The following PAPPA2 variants were observed in gnomAD, a reference collection of about 807,000 sequenced individuals.
The protein encoded by PAPPA2 is pappalysin 2.
PAPPA2 carries 86 observed loss-of-function variants against 176.4 expected under a neutral mutation model. The observed-to-expected ratio is 0.49, with a 90% CI of 0.41 to 0.58. The LOEUF is 0.58. Ranked by LOEUF, PAPPA2 falls within the 20% of genes least tolerant of loss-of-function variation. The pLI, the probability that PAPPA2 is intolerant of heterozygous loss-of-function variation, is 0.00. For synonymous variants in PAPPA2, 809 were observed against 852.2 expected (o/e 0.95, Z 0.88); for missense variants, 2,073 against 2,256.9 (o/e 0.92, Z 1.65).
At chr1:176,771,434 T>C (rs1209563603) in intron 17 of PAPPA2, among the ~76,000 whole-genome samples, 1 of 152,228 alleles carries the variant, frequency 6.6e-6, no homozygotes, top group African/African-American at 2.4e-5. Flanking sequence ...TCAGGTGTTA[T>C]ATGTGTTACC....
chr1:176,725,265 G>A (rs1222325431), intron 12 of PAPPA2, among the ~76,000 whole-genome samples: 1 of 152,070 alleles, frequency 6.6e-6, no homozygotes, highest in Admixed American at 6.5e-5. Context: ...TTAGCTCACA[G>A]GCTGTACAAA....
intron 7 of PAPPA2, among the ~76,000 whole-genome samples, chr1:176,697,808 G>C (rs1571191790): frequency 6.6e-6 from 1 of 151,930 alleles, no homozygotes; most frequent in African/African-American, 2.4e-5. Context: ...TCACTTTACT[G>C]TAACATATAG....
chr1:176,776,594 T>A (rs1664467217), intron 17 of PAPPA2, among the ~76,000 whole-genome samples: 2 of 152,046 alleles, frequency 1.3e-5, no homozygotes, highest in Admixed American at 1.3e-4. Context: ...GGGGAGAGCC[T>A]GAGATGGGCT....
chr1:176,606,979 A>G (rs1469559592), intron 3 of PAPPA2, among the ~76,000 whole-genome samples: 2 of 152,250 alleles, frequency 1.3e-5, no homozygotes, highest in East Asian at 1.9e-4. Context: ...GATTTGAACC[A>G]TAAGCAATTA....
chr1:176,583,590 T>C (rs2102632252), intron 2 of PAPPA2, among the ~76,000 whole-genome samples: 1 of 152,306 alleles, frequency 6.6e-6, no homozygotes, highest in South Asian at 2.1e-4. Context: ...AGATATTTGA[T>C]GTTATTTATT....
At chr1:176,577,010 G>A (rs1652685751) in intron 2 of PAPPA2, among the ~76,000 whole-genome samples, 1 of 152,190 alleles carries the variant, frequency 6.6e-6, no homozygotes. Flanking sequence ...ATTTCAGCTT[G>A]ACTTCCAGAT....
At chr1:176,505,146 A>G (rs896268965) in intron 1 of PAPPA2, among the ~76,000 whole-genome samples, 3 of 152,112 alleles carry the variant, frequency 2.0e-5, no homozygotes, top group South Asian at 2.1e-4. Flanking sequence ...ATTAAATAAA[A>G]TGACAAAAAA....
chr1:176,624,620 T>C (rs1655904704), intron 3 of PAPPA2, among the ~76,000 whole-genome samples: 2 of 152,178 alleles, frequency 1.3e-5, no homozygotes, highest in Non-Finnish European at 1.5e-5. Context: ...CCCATTTTTA[T>C]TTTTTTGAAG....
chr1:176,801,367 G>A (rs1665678383), intron 21 of PAPPA2, among the ~76,000 whole-genome samples: 1 of 152,070 alleles, frequency 6.6e-6, no homozygotes, highest in Admixed American at 6.6e-5. Flanking sequence ...CTGTATCTCT[G>A]TGTTTCTTGA....
chr1:176,603,631 A>G (rs1479588055), intron 3 of PAPPA2, among the ~76,000 whole-genome samples: 1 of 152,162 alleles, frequency 6.6e-6, no homozygotes, highest in African/African-American at 2.4e-5. Flanking sequence ...TTATCCTTCA[A>G]GTCTCAACTA....
intron 1 of PAPPA2, among the ~76,000 whole-genome samples, chr1:176,504,702 A>G (rs527842628): frequency 1.6e-4 from 24 of 152,224 alleles, no homozygotes; most frequent in Non-Finnish European, 1.5e-5. Context: ...GAAAGACTTT[A>G]TATTCTTGGC....
At chr1:176,676,867 T>G (rs1337771021) in intron 4 of PAPPA2, among the ~76,000 whole-genome samples, 1 of 152,132 alleles carries the variant, frequency 6.6e-6, no homozygotes, top group Admixed American at 6.6e-5. Context: ...AAGGTATAGT[T>G]GAGTAAATGT....
chr1:176,706,312 A>T (rs924629232), intron 9 of PAPPA2, 47 bp from the exon 10 acceptor site: 2 of 1,530,820 alleles, frequency 1.3e-6, no homozygotes, highest in African/African-American at 1.4e-5. Context: ...CTAAACAAGA[A>T]AATTTGTGTG....
chr1:176,804,366 T>A (rs1442211411), intron 21 of PAPPA2, among the ~76,000 whole-genome samples: 1 of 152,112 alleles, frequency 6.6e-6, no homozygotes, highest in East Asian at 1.9e-4. Context: ...CATTTTTAGT[T>A]GTCACGACTG....
chr1:176,785,043 G>A (rs1171061353), intron 17 of PAPPA2, among the ~76,000 whole-genome samples: 1 of 152,146 alleles, frequency 6.6e-6, no homozygotes, highest in African/African-American at 2.4e-5. Context: ...TGGGAGTTAG[G>A]ATTTCACCAT....
intron 21 of PAPPA2, among the ~76,000 whole-genome samples, chr1:176,809,138 ACACTGCTTATAGTTTGGTACT>A (rs1430778294): frequency 6.6e-6 from 1 of 152,196 alleles, no homozygotes; most frequent in Non-Finnish European, 1.5e-5. Context: ...TCTATCTCAA[ACACTGCTTATAGTTTGGTACT>A]CTCTTTCCCT....
intron 1 of PAPPA2, among the ~76,000 whole-genome samples, chr1:176,538,082 T>G: frequency 6.6e-6 from 1 of 152,170 alleles, no homozygotes; most frequent in Non-Finnish European, 1.5e-5. Context: ...CTTCTCAATA[T>G]AGTAATCCAG....
At chr1:176,634,857 C>T in intron 3 of PAPPA2, among the ~76,000 whole-genome samples, 1 of 139,976 alleles carries the variant, frequency 7.1e-6, no homozygotes. Context: ...TACATAGATA[C>T]ATAGATACAT....
intron 2 of PAPPA2, among the ~76,000 whole-genome samples, chr1:176,565,492 C>G (rs565205145): frequency 1.3e-3 from 191 of 152,242 alleles, no homozygotes; most frequent in Non-Finnish European, 7.4e-4. Flanking sequence ...ACCAGGAGTT[C>G]AAGACCAGCC....
Sources: gnomAD v4.1 joint callset for allele counts (sites outside exome capture counted in the v4.1 genomes callset) on GRCh38, gnomAD v4.1.1 for gene constraint, MANE v1.5 for transcripts, NCBI Gene and HGNC (gene_info 2026-07-23, HGNC 2026-07-21) for gene names.